The following RNF217 variants were observed in gnomAD, a reference collection of about 807,000 sequenced individuals.
RNF217 encodes E3 ubiquitin-protein ligase RNF217.
In RNF217, 31 loss-of-function variants were observed where a neutral mutation model predicts 57.8. The ratio of observed to expected loss-of-function variants is 0.54; its 90% CI spans 0.40 to 0.72. The LOEUF (loss-of-function observed/expected upper bound fraction) is 0.72. Among genes scored for constraint, RNF217 ranks in the 30% least tolerant of loss-of-function variants. RNF217 has a pLI of 0.00. For missense variants in RNF217, 696 were observed against 708.3 expected (o/e 0.98, Z 0.20); for synonymous variants, 313 against 294.0 (o/e 1.06, Z -0.66).
intron 1 of RNF217, among the ~76,000 whole-genome samples, chr6:125,039,028 G>A (rs930577690): frequency 1.5e-4 from 23 of 151,534 alleles, no homozygotes; most frequent in African/African-American, 5.3e-4. Flanking sequence ...TGTTGTTCCC[G>A]CCTGCCCCCA....
intron 1 of RNF217, among the ~76,000 whole-genome samples, chr6:125,005,214 G>A (rs1202276394): frequency 1.3e-5 from 2 of 152,188 alleles, no homozygotes; most frequent in Non-Finnish European, 2.9e-5. Context: ...AGGCCTGTAT[G>A]TTAGGTTTAT....
At chr6:124,983,067 T>G (rs1230974926) in intron 1 of RNF217, among the ~76,000 whole-genome samples, 1 of 152,230 alleles carries the variant, frequency 6.6e-6, no homozygotes, top group Non-Finnish European at 1.5e-5. Flanking sequence ...TCTATATATT[T>G]CTTCTTCAAC....
intron 1 of RNF217, among the ~76,000 whole-genome samples, chr6:124,986,742 T>C (rs1312944451): frequency 1.3e-5 from 2 of 152,200 alleles, no homozygotes; most frequent in Non-Finnish European, 2.9e-5. Context: ...AAGAATATTA[T>C]GTAGGTACTT....
At chr6:125,016,861 C>T (rs150432915) in intron 1 of RNF217, among the ~76,000 whole-genome samples, 25 of 152,172 alleles carry the variant, frequency 1.6e-4, no homozygotes, top group Non-Finnish European at 3.1e-4. Context: ...CAGCAAACGG[C>T]CATGGCACGC....
At chr6:124,997,592 A>G (rs866756845) in intron 1 of RNF217, among the ~76,000 whole-genome samples, 2 of 152,174 alleles carry the variant, frequency 1.3e-5, no homozygotes, top group Non-Finnish European at 2.9e-5. Context: ...GTCTTAACCA[A>G]TTACAGTTAA....
chr6:125,038,056 T>C (rs1405243241), intron 1 of RNF217, among the ~76,000 whole-genome samples: 1 of 152,200 alleles, frequency 6.6e-6, no homozygotes, highest in Non-Finnish European at 1.5e-5. Context: ...TAAATTACTT[T>C]TGAGTTCTCC....
intron 1 of RNF217, among the ~76,000 whole-genome samples, chr6:125,029,580 G>A (rs1786260032): frequency 1.3e-5 from 2 of 152,160 alleles, no homozygotes; most frequent in South Asian, 4.1e-4. Flanking sequence ...ATGTTAACTT[G>A]GTTTAACATC....
intron 3 of RNF217, among the ~76,000 whole-genome samples, chr6:125,067,426 T>C (rs1787974478): frequency 6.6e-6 from 1 of 152,122 alleles, no homozygotes; most frequent in South Asian, 2.1e-4. Context: ...AATGACAATA[T>C]GAACTAGGCC....
chr6:125,037,767 C>G (rs9491283), intron 1 of RNF217, among the ~76,000 whole-genome samples: 6,467 of 152,226 alleles, frequency 0.042, 176 homozygotes, highest in African/African-American at 0.08. Flanking sequence ...ATTATTGTTA[C>G]TGCTTTCGTT....
chr6:125,031,033 C>T (rs111656876), intron 1 of RNF217, among the ~76,000 whole-genome samples: 9 of 152,332 alleles, frequency 5.9e-5, no homozygotes, highest in African/African-American at 1.4e-4. Context: ...CACATGCACG[C>T]GGAACACCAC....
chr6:124,963,384 G>T lies in RNF217; in HGVS notation c.840G>T (p.Lys280Asn), dbSNP rs1240642549. ...TCAAGCCCCTGCCTTGCTGCAAGAA[G>T]GCCGTGTGCGAGGAGTGCCTCAAAG... The part of the protein sequence containing the change: ...KPIKPLPCCK[K>N]AVCEECLKVY... Residue 280 changes from lysine (K) to asparagine (N), a missense_variant, in exon 1 of 6, where the codon AAG becomes AAT. This residue lies in a region of RNF217 where 231 missense variants were observed against 321.4 expected (regional missense o/e 0.72). Coordinates refer to ENST00000521654, the MANE Select transcript of RNF217 (RefSeq NM_001286398.3). 6.6e-7 allele frequency: 1 copy of T among 1,508,012 alleles called. No individual in the cohort carries two copies. The highest frequency in any genetic ancestry group is 8.8e-7 in the Non-Finnish European group (1 of 1,133,758). 93.4% of individuals were successfully genotyped at this position (1,508,012 alleles called of 1,614,324 possible). A position where few individuals can be genotyped will look rare whatever the true frequency, so the allele number is the denominator to read the frequency against.
At chr6:124,970,782 CAA>C (rs1431673897) in intron 1 of RNF217, among the ~76,000 whole-genome samples, 1 of 152,108 alleles carries the variant, frequency 6.6e-6, no homozygotes, top group East Asian at 1.9e-4. Context: ...AAAGAAGAAG[CAA>C]AGAGTCTAAA....
At chr6:125,027,532 C>A (rs190350106) in intron 1 of RNF217, among the ~76,000 whole-genome samples, 115 of 152,130 alleles carry the variant, frequency 7.6e-4, no homozygotes, top group African/African-American at 2.6e-3. Flanking sequence ...GTATATGTAC[C>A]ACATTTTCTT....
chr6:125,061,955 A>G (rs558673324), intron 3 of RNF217, among the ~76,000 whole-genome samples: 30 of 152,018 alleles, frequency 2.0e-4, no homozygotes, highest in African/African-American at 6.3e-4. Flanking sequence ...CCAAATTGAA[A>G]CCATCTAACC....
chr6:125,076,957 T>G, intron 4 of RNF217, 99 bp downstream of exon 4: 1 of 1,005,600 alleles, frequency 9.9e-7, no homozygotes, highest in Non-Finnish European at 1.5e-6. Context: ...GCACCTGCCA[T>G]GTGCCCAGTG....
chr6:125,068,215 A>G (rs1210419819), intron 3 of RNF217, among the ~76,000 whole-genome samples: 2 of 152,160 alleles, frequency 1.3e-5, no homozygotes, highest in Non-Finnish European at 2.9e-5. Flanking sequence ...GGAGGGATAC[A>G]GATAATTAAA....
At chr6:125,067,696 G>A (rs1313272553) in intron 3 of RNF217, among the ~76,000 whole-genome samples, 2 of 152,188 alleles carry the variant, frequency 1.3e-5, no homozygotes, top group African/African-American at 4.8e-5. Flanking sequence ...TGAAATGGCT[G>A]TGAGGGATAT....
At chr6:125,026,995 A>T (rs502940) in intron 1 of RNF217, among the ~76,000 whole-genome samples, 130,209 of 151,704 alleles carry the variant, frequency 0.86, 56,286 homozygotes, top group East Asian at 1. Flanking sequence ...ATTCTTTTTT[A>T]AATTTTTTAA....
chr6:125,069,983 A>C (rs1286153179), intron 3 of RNF217, among the ~76,000 whole-genome samples: 1 of 152,096 alleles, frequency 6.6e-6, no homozygotes, highest in Non-Finnish European at 1.5e-5. Context: ...TACCCATTAC[A>C]TTATGCCTCA....
Sources: allele counts gnomAD v4.1 joint callset (sites outside exome capture counted in the v4.1 genomes callset), GRCh38; gene constraint gnomAD v4.1.1; regional missense constraint gnomAD v4.1.1; transcripts MANE v1.5; gene names NCBI Gene and HGNC (gene_info 2026-07-23, HGNC 2026-07-21).